The following SPIRE1 variants were observed in gnomAD, a reference collection of about 807,000 sequenced individuals.
The protein encoded by SPIRE1 is protein spire homolog 1.
A neutral mutation model predicts 94.1 loss-of-function variants in SPIRE1; 40 were observed. The ratio of observed to expected loss-of-function variants is 0.43; its 90% CI spans 0.33 to 0.55. SPIRE1 has a LOEUF of 0.55. SPIRE1 is among the 20% of genes least tolerant of loss of function. The pLI is 0.06. For missense variants in SPIRE1, 838 were observed against 975.2 expected (o/e 0.86, Z 1.87); for synonymous variants, 376 against 371.7 (o/e 1.01, Z -0.13).
intron 4 of SPIRE1, among the ~76,000 whole-genome samples, chr18:12,527,957 T>C (rs1180642478): frequency 6.6e-6 from 1 of 150,994 alleles, no homozygotes; most frequent in Non-Finnish European, 1.5e-5. Context: ...TCCCAGCTAC[T>C]AGAGAGGCTG....
intron 2 of SPIRE1, among the ~76,000 whole-genome samples, chr18:12,549,234 CCTA>C (rs1443373865): frequency 1.3e-5 from 2 of 151,936 alleles, no homozygotes; most frequent in Non-Finnish European, 2.9e-5. Context: ...TCAGAGCGTC[CCTA>C]CTAATATAAT....
chr18:12,482,141 T>C (rs1222203904), intron 9 of SPIRE1, among the ~76,000 whole-genome samples: 1 of 152,162 alleles, frequency 6.6e-6, no homozygotes, highest in Non-Finnish European at 1.5e-5. Flanking sequence ...CAAATAGTTT[T>C]GGCAGTTATT....
chr18:12,587,138 C>G (rs975715448), intron 2 of SPIRE1, among the ~76,000 whole-genome samples: 4 of 152,204 alleles, frequency 2.6e-5, no homozygotes, highest in Non-Finnish European at 5.9e-5. Context: ...CAAAGTCACA[C>G]AGCCAATGAA....
intron 2 of SPIRE1, among the ~76,000 whole-genome samples, chr18:12,563,748 A>T (rs1363140344): frequency 6.6e-6 from 1 of 152,184 alleles, no homozygotes. Context: ...TCAAAATAGA[A>T]CAAGATACCG....
intron 1 of SPIRE1, among the ~76,000 whole-genome samples, chr18:12,642,567 G>A (rs1200554956): frequency 6.6e-6 from 1 of 152,190 alleles, no homozygotes; most frequent in African/African-American, 2.4e-5. Context: ...AGCTTGCAGA[G>A]CAAATAAGTT....
At chr18:12,614,374 TC>T (rs2037225730) in intron 2 of SPIRE1, among the ~76,000 whole-genome samples, 1 of 152,278 alleles carries the variant, frequency 6.6e-6, no homozygotes, top group Non-Finnish European at 1.5e-5. Flanking sequence ...TGTCTATGGC[TC>T]CCCCTGTATT....
intron 2 of SPIRE1, among the ~76,000 whole-genome samples, chr18:12,617,811 C>T (rs2037354414): frequency 6.6e-6 from 1 of 152,182 alleles, no homozygotes; most frequent in Admixed American, 6.5e-5. Flanking sequence ...CAGCCTCAGC[C>T]TCCCAAAGTG....
At position 12,657,779 on chromosome 18, in the gene SPIRE1, C is replaced by G; in HGVS notation, c.88G>C (p.Gly30Arg). The change falls in exon 1 of 17, where the codon GGC becomes CGC. Residue 30 changes from glycine (G) to arginine (R), a missense_variant. Physicochemically the swap from Gly to Arg is moderately radical, Grantham distance 125. This residue lies in a region of SPIRE1 where 193 missense variants were observed against 170.5 expected (regional missense o/e 1.13). Coordinates refer to ENST00000409402, the MANE Select transcript of SPIRE1 (RefSeq NM_001128626.2). The stretch of plus-strand genomic sequence containing the variant: ...TCCCGGGAGCCCCCGGCCGCGCCGC[C>G]GGCTGCCCCGGGCTCCCGCGGCCCC... ...GEGPREPGAA[G>R]GAAGGSRDAL... is the part of the protein sequence containing the mutation. 1 of 1,318,480 alleles carries G rather than the reference C, an allele frequency of 7.6e-7. No individual in the cohort carries two copies. Among genetic ancestry groups the G allele is most frequent in the Non-Finnish European group, 9.7e-7 (1 of 1,028,400 alleles). 81.7% of individuals were successfully genotyped at this position (1,318,480 alleles called of 1,614,324 possible). A position where few individuals can be genotyped will look rare whatever the true frequency, so the allele number is the denominator to read the frequency against.
intron 1 of SPIRE1, among the ~76,000 whole-genome samples, chr18:12,646,175 C>T (rs1188817343): frequency 6.6e-6 from 1 of 152,132 alleles, no homozygotes; most frequent in Non-Finnish European, 1.5e-5. Flanking sequence ...CAAGCCTTTC[C>T]ACTTGCTGCT....
At chr18:12,598,927 A>G (rs1483390611) in intron 2 of SPIRE1, among the ~76,000 whole-genome samples, 1 of 152,220 alleles carries the variant, frequency 6.6e-6, no homozygotes, top group African/African-American at 2.4e-5. Context: ...TTAAACTTAC[A>G]GAAACGCCTC....
chr18:12,611,802 T>C (rs1037559080), intron 2 of SPIRE1, among the ~76,000 whole-genome samples: 3 of 151,928 alleles, frequency 2.0e-5, no homozygotes, highest in Non-Finnish European at 2.9e-5. Context: ...TAGCTGGGAC[T>C]ATAGGCGTGC....
intron 12 of SPIRE1, among the ~76,000 whole-genome samples, chr18:12,461,730 G>A (rs1213993940): frequency 6.6e-6 from 1 of 152,024 alleles, no homozygotes; most frequent in African/African-American, 2.4e-5. Context: ...TAGGCTCAAG[G>A]GATCTTCCCT....
chr18:12,657,532 G>A lies in SPIRE1; in HGVS notation c.335C>T (p.Ala112Val), dbSNP rs1419251495. The change falls in exon 1 of 17, where the codon GCG becomes GTG. Residue 112 changes from alanine to valine, a missense_variant and splice_region_variant. Ala to Val is a moderately conservative substitution (Grantham distance 64). Around this residue, in one of 2 missense-constraint regions of SPIRE1, gnomAD observed 645 missense variants for 804.7 expected, o/e 0.80. Transcript: ENST00000409402. Reference protein sequence around the residue: ...ADDAGEPPPVAGKLGYSQCME... With the variant: ...ADDAGEPPPVVGKLGYSQCME... ...GGAAAGGGGCCCGGCGGCCTCACCCGCAACTGGGGGCGGCTCTCCCGCGTC... is the reference window on the plus strand; with the variant it reads ...GGAAAGGGGCCCGGCGGCCTCACCCACAACTGGGGGCGGCTCTCCCGCGTC... 6.5e-6 allele frequency: 8 copies of A among 1,231,732 alleles called. No homozygotes were observed. Among genetic ancestry groups the A allele is most frequent in the African/African-American group, 1.6e-5 (1 of 63,976 alleles). 76.3% of individuals were successfully genotyped at this position (1,231,732 alleles called of 1,614,324 possible). A position where few individuals can be genotyped will look rare whatever the true frequency, so the allele number is the denominator to read the frequency against.
At chr18:12,530,948 G>A (rs1253436935) in intron 4 of SPIRE1, among the ~76,000 whole-genome samples, 1 of 152,176 alleles carries the variant, frequency 6.6e-6, no homozygotes, top group Non-Finnish European at 1.5e-5. Context: ...GATGGCTAGA[G>A]CATGCTAGGA....
At chr18:12,615,094 G>A (rs1229521857) in intron 2 of SPIRE1, among the ~76,000 whole-genome samples, 1 of 151,376 alleles carries the variant, frequency 6.6e-6, no homozygotes, top group Admixed American at 6.6e-5. Flanking sequence ...GGAGGCTGAG[G>A]CATGCGGATC....
In SPIRE1 at chr18:12,447,769, TA is replaced by T. The variant is rs2031013253; in HGVS notation, c.*1868del. The T allele has an allele frequency of 6.6e-6, 1 of 152,224 alleles. No individual in the cohort carries two copies. The highest frequency in any genetic ancestry group is 1.5e-5 in the Non-Finnish European group (1 of 68,034). 9.4% of individuals were successfully genotyped at this position (152,224 alleles called of 1,614,324 possible). On this transcript the variant is annotated 3_prime_UTR_variant, in exon 17 of 17. Coordinates refer to ENST00000409402, the MANE Select transcript of SPIRE1 (RefSeq NM_001128626.2). The stretch of plus-strand genomic sequence containing the variant: ...GGGGGTGTAGTTTCTTATGTTTTAA[TA>T]AAAACAGTAGTCATTATTTTAAAAA...
At chr18:12,531,584 TA>T (rs1195972502) in intron 4 of SPIRE1, among the ~76,000 whole-genome samples, 1 of 152,196 alleles carries the variant, frequency 6.6e-6, no homozygotes, top group Non-Finnish European at 1.5e-5. Context: ...TGTGAATCTC[TA>T]ATCTCTCTAA....
chr18:12,568,871 C>T (rs1037925905), intron 2 of SPIRE1, among the ~76,000 whole-genome samples: 4 of 145,314 alleles, frequency 2.8e-5, no homozygotes, highest in Non-Finnish European at 4.7e-5. Flanking sequence ...CAACAGATCA[C>T]TGTAGTGGTG....
chr18:12,584,790 TA>T (rs2036347557), intron 2 of SPIRE1, among the ~76,000 whole-genome samples: 1 of 151,856 alleles, frequency 6.6e-6, no homozygotes, highest in Non-Finnish European at 1.5e-5. Flanking sequence ...AATATATATA[TA>T]TTTTTTGAGA....
Sources: gnomAD v4.1 joint callset for allele counts (sites outside exome capture counted in the v4.1 genomes callset) on GRCh38, gnomAD v4.1.1 for gene constraint, gnomAD v4.1.1 regional missense constraint, MANE v1.5 for transcripts, NCBI Gene and HGNC (gene_info 2026-07-23, HGNC 2026-07-21) for gene names.